AFG2A: variants seen among roughly 807,000 people sequenced by gnomAD.
AFG2A encodes AAA ATPase AFG2A.
the AFG2A span, among the ~76,000 whole-genome samples, chr4:122,996,272 A>T: frequency 6.6e-6 from 1 of 151,964 alleles, no homozygotes; most frequent in East Asian, 1.9e-4. Flanking sequence ...ATACACATGG[A>T]CTCCAAATAC....
At chr4:123,143,223 T>C in the AFG2A span, among the ~76,000 whole-genome samples, 1 of 152,018 alleles carries the variant, frequency 6.6e-6, no homozygotes, top group Non-Finnish European at 1.5e-5. Flanking sequence ...CACCCGACTT[T>C]AGCACTAAAA....
the AFG2A span, among the ~76,000 whole-genome samples, chr4:123,033,095 T>C: frequency 6.6e-6 from 1 of 152,264 alleles, no homozygotes; most frequent in Non-Finnish European, 1.5e-5. Context: ...TACAAGATAA[T>C]CTGAAATTTA....
At chr4:123,059,966 C>G in the AFG2A span, among the ~76,000 whole-genome samples, 53 of 152,298 alleles carry the variant, frequency 3.5e-4, 1 homozygote, top group South Asian at 0.011. Context: ...TGAGAAGTGT[C>G]TGTTCATGTC....
the AFG2A span, among the ~76,000 whole-genome samples, chr4:123,077,496 A>C: frequency 3.3e-5 from 5 of 152,164 alleles, no homozygotes; most frequent in African/African-American, 1.2e-4. Context: ...CATGAGGCTC[A>C]TGGGTCAGAA....
At chr4:123,128,889 G>A in the AFG2A span, among the ~76,000 whole-genome samples, 1 of 152,072 alleles carries the variant, frequency 6.6e-6, no homozygotes, top group Non-Finnish European at 1.5e-5. Flanking sequence ...CCAGCAAAAT[G>A]GAGAATTATC....
the AFG2A span, among the ~76,000 whole-genome samples, chr4:122,951,977 C>T: frequency 1.3e-5 from 2 of 152,146 alleles, no homozygotes; most frequent in African/African-American, 4.8e-5. Flanking sequence ...TTAATGTGCT[C>T]CTTTGTTGCA....
the AFG2A span, among the ~76,000 whole-genome samples, chr4:123,167,592 C>G: frequency 6.6e-6 from 1 of 152,142 alleles, no homozygotes; most frequent in Non-Finnish European, 1.5e-5. Flanking sequence ...CGTGATCCAC[C>G]CACCTCGGCC....
chr4:123,229,678 A>C, the AFG2A span, among the ~76,000 whole-genome samples: 3 of 151,972 alleles, frequency 2.0e-5, no homozygotes, highest in Non-Finnish European at 4.4e-5. Flanking sequence ...GGTTTCTGGG[A>C]TGATGGAAAT....
the AFG2A span, among the ~76,000 whole-genome samples, chr4:123,063,898 T>G: frequency 2.0e-5 from 3 of 152,218 alleles, no homozygotes; most frequent in Admixed American, 6.5e-5. Flanking sequence ...ACTGAAAAGA[T>G]AAGACATGGT....
At chr4:123,088,336 A>G in the AFG2A span, among the ~76,000 whole-genome samples, 1 of 152,136 alleles carries the variant, frequency 6.6e-6, no homozygotes, top group African/African-American at 2.4e-5. Flanking sequence ...TTTTTCTGGT[A>G]TAGAATCACA....
At chr4:122,969,591 A>G in the AFG2A span, among the ~76,000 whole-genome samples, 1 of 152,212 alleles carries the variant, frequency 6.6e-6, no homozygotes, top group Non-Finnish European at 1.5e-5. Flanking sequence ...TTTAAAATCA[A>G]TGTGTCGGGT....
the AFG2A span, chr4:123,315,276 T>G: frequency 7.2e-3 from 1,090 of 150,880 alleles, 10 homozygotes; most frequent in Non-Finnish European, 0.012. Flanking sequence ...CTCTGCCTCC[T>G]GGGTTTACTT....
the AFG2A span, among the ~76,000 whole-genome samples, chr4:123,121,079 A>G: frequency 6.6e-6 from 1 of 152,082 alleles, no homozygotes; most frequent in Non-Finnish European, 1.5e-5. Flanking sequence ...CTAGGCTAAT[A>G]TATGTGTTTG....
At chr4:123,172,057 G>A in the AFG2A span, among the ~76,000 whole-genome samples, 1 of 151,720 alleles carries the variant, frequency 6.6e-6, no homozygotes, top group Admixed American at 6.6e-5. Context: ...AGAGTGTATC[G>A]TTCTTTTTGT....
At chr4:123,146,733 C>G in the AFG2A span, among the ~76,000 whole-genome samples, 1 of 152,092 alleles carries the variant, frequency 6.6e-6, no homozygotes, top group Non-Finnish European at 1.5e-5. Context: ...GTCACTTTAA[C>G]CAAGCCTCCA....
At chr4:122,976,789 G>C in the AFG2A span, among the ~76,000 whole-genome samples, 1 of 152,138 alleles carries the variant, frequency 6.6e-6, no homozygotes, top group Non-Finnish European at 1.5e-5. Flanking sequence ...TAGTTTGAAT[G>C]TATTTACCAA....
chr4:123,130,353 T>C, the AFG2A span, among the ~76,000 whole-genome samples: 2 of 152,158 alleles, frequency 1.3e-5, no homozygotes, highest in African/African-American at 4.8e-5. Flanking sequence ...TAGAATTGGG[T>C]AACCACCAAC....
the AFG2A span, among the ~76,000 whole-genome samples, chr4:123,243,381 A>T: frequency 6.6e-6 from 1 of 152,238 alleles, no homozygotes; most frequent in Admixed American, 6.5e-5. Flanking sequence ...GATTAAGAAA[A>T]TGTGGCACAG....
the AFG2A span, among the ~76,000 whole-genome samples, chr4:123,242,979 A>G: frequency 6.6e-6 from 1 of 152,234 alleles, no homozygotes; most frequent in African/African-American, 2.4e-5. Context: ...TTATGCAGCC[A>G]ACAGACACAT....
Sources: gnomAD v4.1 joint callset for allele counts (sites outside exome capture counted in the v4.1 genomes callset) on GRCh38, gnomAD v4.1.1 for gene constraint, MANE v1.5 for transcripts, NCBI Gene and HGNC (gene_info 2026-07-23, HGNC 2026-07-21) for gene names.